The following HEATR5B variants were observed in gnomAD, a reference collection of about 807,000 sequenced individuals.
HEATR5B encodes HEAT repeat containing 5B, also known as HEAT repeat-containing protein 5B.
HEATR5B carries 156 observed loss-of-function variants against 224.1 expected under a neutral mutation model. The ratio of observed to expected loss-of-function variants is 0.70; its 90% CI spans 0.61 to 0.80. The LOEUF (loss-of-function observed/expected upper bound fraction) is 0.80. HEATR5B is among the 30% of genes least tolerant of loss of function. HEATR5B has a pLI of 0.00. For synonymous variants in HEATR5B, 1,027 were observed against 893.0 expected (o/e 1.15, Z -2.68); for missense variants, 2,323 against 2,535.5 (o/e 0.92, Z 1.80).
Position 36,981,757 on chromosome 2 carries a change from T to C in HEATR5B, c.5949A>G (p.Ile1983Met). 1 of 1,613,360 alleles carries C rather than the reference T, an allele frequency of 6.2e-7. No individual in the cohort carries two copies. Among genetic ancestry groups the C allele is most frequent in the Non-Finnish European group, 8.5e-7 (1 of 1,179,732 alleles). ...QLLALLVPTLISYLLDENSFA... is the reference protein window; with the variant it reads ...QLLALLVPTLMSYLLDENSFA... ...AAGAATTTTCATCCAGCAGGTAAGA[T>C]ATCAAAGTGGGAACTAAAAGAGCAA... Residue 1983 changes from isoleucine (I) to methionine (M), a missense_variant, in exon 36 of 36, where the codon ATA (isoleucine) becomes ATG (methionine). Ile to Met is a conservative substitution (Grantham distance 10). This residue lies in a region of HEATR5B where 844 missense variants were observed against 812.9 expected (regional missense o/e 1.04). Coordinates refer to ENST00000233099, the MANE Select transcript of HEATR5B (RefSeq NM_019024.3).
At chr2:37,015,398 TAA>T (rs1486394095) in intron 26 of HEATR5B, among the ~76,000 whole-genome samples, 3 of 152,226 alleles carry the variant, frequency 2.0e-5, no homozygotes, top group Admixed American at 6.5e-5. Flanking sequence ...AGTAATATGT[TAA>T]GTGTCTTTTA....
chr2:37,003,858 A>G (rs917947096), intron 30 of HEATR5B, among the ~76,000 whole-genome samples, 172 bp from the exon 31 acceptor site: 1 of 152,196 alleles, frequency 6.6e-6, no homozygotes, highest in Non-Finnish European at 1.5e-5. Flanking sequence ...AAATGGTCAC[A>G]TTTTACTCCT....
chr2:37,021,352 A>C (rs1668445326), intron 24 of HEATR5B, among the ~76,000 whole-genome samples: 1 of 152,162 alleles, frequency 6.6e-6, no homozygotes, highest in South Asian at 2.1e-4. Context: ...AAGGCCAAAA[A>C]TCTTCCTAAA....
intron 27 of HEATR5B, 148 bp downstream of exon 27, chr2:37,013,693 T>G (rs1667933384): frequency 1.9e-6 from 1 of 538,612 alleles, no homozygotes; most frequent in Non-Finnish European, 3.2e-6. Flanking sequence ...AGGTTTTCAG[T>G]ACACTGATTA....
chr2:37,000,730 C>T lies in HEATR5B; in HGVS notation c.5401G>A (p.Val1801Ile). Residue 1801 changes from valine to isoleucine, a missense_variant, in exon 33 of 36, where the codon GTT becomes ATT. Val to Ile is a conservative substitution (Grantham distance 29, BLOSUM62 3). This residue lies in a region of HEATR5B where 844 missense variants were observed against 812.9 expected (regional missense o/e 1.04). Transcript: ENST00000233099. The part of the protein sequence containing the change: ...DTAIKSADNQ[V>I]PPPVSAALQG... ...AGAGCTGCACTGACTGGTGGAGGAA[C>T]CTGATTATCTGCAGACTTTATTGCT... 1 of 1,614,086 alleles carries T rather than the reference C, an allele frequency of 6.2e-7. No individual in the cohort carries two copies. The highest frequency in any genetic ancestry group is 8.5e-7 in the Non-Finnish European group (1 of 1,179,968).
intron 4 of HEATR5B, 60 bp downstream of exon 4, chr2:37,076,851 A>G: frequency 8.1e-7 from 1 of 1,236,164 alleles, no homozygotes; most frequent in Admixed American, 1.8e-5. Flanking sequence ...AACATATTTT[A>G]GCTGACATCT....
chr2:37,064,055 C>G (rs1655084367), intron 10 of HEATR5B, among the ~76,000 whole-genome samples: 1 of 152,144 alleles, frequency 6.6e-6, no homozygotes, highest in Admixed American at 6.5e-5. Flanking sequence ...CTCAAATGAT[C>G]CACCTGCCTC....
At position 37,057,479 on chromosome 2, in the gene HEATR5B, T is replaced by A. The variant is rs145612545; in HGVS notation, c.2061A>T (p.Gly687=). 916 of 1,597,442 alleles carry A rather than the reference T, an allele frequency of 5.7e-4. 1 individual carries two copies. Among genetic ancestry groups the A allele is most frequent in the Middle Eastern group, 2.0e-3 (12 of 6,032 alleles). Residue 687 remains glycine, a splice_region_variant and synonymous_variant, in exon 15 of 36, where the codon GGA becomes GGT. Transcript: ENST00000233099. ...GTTCTCTAAGAAGTGCATTAAAAGA[T>A]CCTAAAAAACAGAACTTCAGATCAG... The part of the protein sequence containing the change: ...LALLPPKTYE[G]SFNALLRELV...
In HEATR5B at chr2:37,007,226, G is replaced by A. The variant is rs775575275; in HGVS notation, c.4601C>T (p.Ala1534Val). ...YRNSWAPILH[A>V]VALWLNSTGF... ...TGTGCTATTTAACCAAAGTGCCACCGCATGGAGAATTGGGGCCCAGGAATT... is the reference window on the plus strand; with the variant it reads ...TGTGCTATTTAACCAAAGTGCCACCACATGGAGAATTGGGGCCCAGGAATT... The change falls in exon 29 of 36, where the codon GCG becomes GTG. Residue 1534 changes from alanine to valine, a missense_variant. Ala to Val is a moderately conservative substitution (Grantham distance 64). Coordinates refer to ENST00000233099, the MANE Select transcript of HEATR5B (RefSeq NM_019024.3). The A allele has an allele frequency of 1.1e-5, 18 of 1,613,858 alleles. No individual in the cohort carries two copies. The highest frequency in any genetic ancestry group is 6.7e-5 in the African/African-American group (5 of 74,948).
rs148298446 is a variant in HEATR5B at position 36,997,825 on chromosome 2, C to T, written c.5545+2761G>A. On this transcript the variant is annotated intron_variant, in intron 33 of 35. Transcript: ENST00000233099. The stretch of plus-strand genomic sequence containing the variant: ...TCATGATCCACCCGCCTTGGCCTCC[C>T]AAAGTCCTGGGATTACAGGCGTGAG... 2.4e-3 allele frequency among the ~76,000 whole-genome samples: 364 copies of T among 152,278 alleles called. 4 individuals are homozygous for T. Among genetic ancestry groups the T allele is most frequent in the African/African-American group, 8.5e-3 (354 of 41,564 alleles).
intron 24 of HEATR5B, among the ~76,000 whole-genome samples, chr2:37,022,174 C>CT (rs1480266604): frequency 6.8e-6 from 1 of 146,624 alleles, no homozygotes; most frequent in African/African-American, 2.4e-5. Flanking sequence ...TATATTATCT[C>CT]TTTTTATCAT....
intron 7 of HEATR5B, among the ~76,000 whole-genome samples, chr2:37,069,751 T>C (rs1157812995): frequency 6.6e-6 from 1 of 152,156 alleles, no homozygotes; most frequent in African/African-American, 2.4e-5. Context: ...CGAATTTCCA[T>C]ATAAGCATGT....
At chr2:37,083,499 T>G (rs1672752556) in intron 1 of HEATR5B, 63 bp from the exon 2 acceptor site, 1 of 1,210,838 alleles carries the variant, frequency 8.3e-7, no homozygotes, top group East Asian at 2.4e-5. Flanking sequence ...TCAAGCTTAA[T>G]GGAATATACT....
At chr2:37,045,826 G>A (rs1390330345) in intron 18 of HEATR5B, among the ~76,000 whole-genome samples, 1 of 152,136 alleles carries the variant, frequency 6.6e-6, no homozygotes, top group Non-Finnish European at 1.5e-5. Context: ...AGCATCTTTA[G>A]TGTTCCCTTT....
At chr2:36,994,940 C>T (rs548267403) in intron 33 of HEATR5B, among the ~76,000 whole-genome samples, 14 of 151,738 alleles carry the variant, frequency 9.2e-5, no homozygotes, top group African/African-American at 2.7e-4. Context: ...TTAGTAGAGA[C>T]GGGGTTTCAC....
chr2:37,065,116 C>CT, intron 9 of HEATR5B, 126 bp from the exon 10 acceptor site: 2 of 928,404 alleles, frequency 2.2e-6, no homozygotes, highest in South Asian at 3.4e-5. Context: ...AGATCCACAA[C>CT]TTTGCCTAAA....
chr2:37,009,088 T>A (rs577220594), intron 27 of HEATR5B, among the ~76,000 whole-genome samples: 1 of 151,414 alleles, frequency 6.6e-6, no homozygotes. Context: ...TGAAACCCTG[T>A]CTCTACGAAA....
chr2:37,026,072 A>C (rs1668752350), intron 24 of HEATR5B, among the ~76,000 whole-genome samples: 1 of 152,246 alleles, frequency 6.6e-6, no homozygotes, highest in South Asian at 2.1e-4. Context: ...TTATCAAGGC[A>C]GACCCAGTCT....
At chr2:36,998,225 C>T (rs1666856726) in intron 33 of HEATR5B, among the ~76,000 whole-genome samples, 1 of 151,868 alleles carries the variant, frequency 6.6e-6, no homozygotes, top group Admixed American at 6.6e-5. Context: ...AGAAATAAAC[C>T]TTGAAATAAA....
Sources: allele counts gnomAD v4.1 joint callset (sites outside exome capture counted in the v4.1 genomes callset), GRCh38; gene constraint gnomAD v4.1.1; regional missense constraint gnomAD v4.1.1; transcripts MANE v1.5; gene names NCBI Gene and HGNC (gene_info 2026-07-23, HGNC 2026-07-21).